Variants in ZNF208 observed in about 807,000 individuals in gnomAD.
ZNF208 encodes zinc finger protein 95.
In ZNF208, 10 loss-of-function variants were observed where a neutral mutation model predicts 12.1. The ratio of observed to expected loss-of-function variants is 0.83; its 90% CI spans 0.51 to 1.40. The LOEUF (loss-of-function observed/expected upper bound fraction) is 1.40. Among genes scored for constraint, ZNF208 ranks in the 40% most tolerant of loss-of-function variants. The pLI is 0.00. For missense variants in ZNF208, 1,652 were observed against 1,485.0 expected, an observed-to-expected ratio of 1.11 and a Z score of -1.85; for synonymous variants, 497 against 488.4, an observed-to-expected ratio of 1.02 and a Z score of -0.23.
chr19:21,994,212 T>G (rs993737168), intron 1 of ZNF208, among the ~76,000 whole-genome samples: 10 of 152,238 alleles, frequency 6.6e-5, no homozygotes, highest in African/African-American at 2.4e-4. Context: ...AATCAACTAC[T>G]AGATCTGGAG....
At chr19:21,975,152 GT>G (rs1224211355) in intron 3 of ZNF208, among the ~76,000 whole-genome samples, 1 of 152,028 alleles carries the variant, frequency 6.6e-6, no homozygotes, top group Non-Finnish European at 1.5e-5. Flanking sequence ...TTCTGTTTGT[GT>G]TTTTTTGTTT....
intron 2 of ZNF208, among the ~76,000 whole-genome samples, chr19:21,988,513 TAC>T (rs1395190369): frequency 6.6e-6 from 1 of 152,112 alleles, no homozygotes; most frequent in Non-Finnish European, 1.5e-5. Flanking sequence ...GTTGAAAGAA[TAC>T]AGTCATGCAG....
intron 1 of ZNF208, chr19:21,991,797 TGTGTATTATTCAGATGGAATA>T (rs944975001): frequency 1.3e-5 from 2 of 152,054 alleles, no homozygotes; most frequent in African/African-American, 4.8e-5. Context: ...GACATAGTTT[TGTGTATTATTCAGATGGAATA>T]GATGTGTTGA....
intron 3 of ZNF208, among the ~76,000 whole-genome samples, chr19:21,978,652 A>G (rs1970478039): frequency 6.6e-6 from 1 of 152,232 alleles, no homozygotes; most frequent in South Asian, 2.1e-4. Context: ...TCCAAAACCC[A>G]GAATGCCTGT....
chr19:21,954,755 T>C (rs1352360090), intron 4 of ZNF208, among the ~76,000 whole-genome samples: 1 of 152,224 alleles, frequency 6.6e-6, no homozygotes. Flanking sequence ...GTTTCCTGAA[T>C]ACAACACACT....
chr19:22,003,669 C>A (rs1009058052), intron 1 of ZNF208, among the ~76,000 whole-genome samples: 15 of 152,062 alleles, frequency 9.9e-5, no homozygotes, highest in African/African-American at 3.6e-4. Flanking sequence ...ATAATTCAAC[C>A]ATTGTGAAAA....
chr19:21,975,353 C>T (rs187818449), intron 3 of ZNF208, among the ~76,000 whole-genome samples: 3 of 152,120 alleles, frequency 2.0e-5, no homozygotes, highest in African/African-American at 7.2e-5. Context: ...TGCAGCAGAG[C>T]ACTGCAGTCC....
At chr19:21,978,117 C>A (rs200454496) in intron 3 of ZNF208, among the ~76,000 whole-genome samples, 1 of 152,176 alleles carries the variant, frequency 6.6e-6, no homozygotes, top group Non-Finnish European at 1.5e-5. Context: ...GGACAGAGCA[C>A]CTTGGGGAAG....
rs1443734067 is a variant in ZNF208 at position 21,970,884 on chromosome 19, TATG to T, written c.*304_*306del. ...GGGTTTCTCTCCAGTATGAATTTTC[TATG>T]ATAACTGAGGGTTGAGGACCACTTA... On this transcript the variant is annotated 3_prime_UTR_variant, in exon 4 of 4. Coordinates refer to ENST00000397126, the MANE Select transcript of ZNF208 (RefSeq NM_007153.3). 105 of 1,522,510 alleles carry T rather than the reference TATG, an allele frequency of 6.9e-5. No individual in the cohort carries two copies. Among genetic ancestry groups the T allele is most frequent in the Non-Finnish European group, 9.0e-5 (99 of 1,099,362 alleles). The allele number at this position is 1,522,510 out of a possible 1,614,324, so 94.3% of individuals were successfully genotyped here. A position where few individuals can be genotyped will look rare whatever the true frequency, so the allele number is the denominator to read the frequency against.
intron 4 of ZNF208, among the ~76,000 whole-genome samples, chr19:21,943,251 G>C (rs189715260): frequency 6.6e-5 from 10 of 152,246 alleles, no homozygotes; most frequent in African/African-American, 2.4e-4. Flanking sequence ...TAGTAAAATA[G>C]AGCTTTTGGT....
chr19:21,944,491 C>A (rs1324390566), intron 4 of ZNF208, among the ~76,000 whole-genome samples: 2 of 152,056 alleles, frequency 1.3e-5, no homozygotes, highest in Admixed American at 1.3e-4. Context: ...TACCCACTCA[C>A]TTATAATAAA....
chr19:21,985,469 T>G (rs1331341607), intron 3 of ZNF208, among the ~76,000 whole-genome samples: 3 of 152,210 alleles, frequency 2.0e-5, no homozygotes, highest in African/African-American at 7.2e-5. Flanking sequence ...GAAACTTTGC[T>G]AAAGCCCAAG....
At chr19:21,943,562 A>C (rs1969775814) in intron 4 of ZNF208, among the ~76,000 whole-genome samples, 2 of 152,184 alleles carry the variant, frequency 1.3e-5, no homozygotes, top group South Asian at 4.2e-4. Flanking sequence ...ACACAGGAGG[A>C]TCCTGATCCT....
At chr19:21,990,224 G>A (rs1169620326) in intron 1 of ZNF208, among the ~76,000 whole-genome samples, 7 of 151,960 alleles carry the variant, frequency 4.6e-5, no homozygotes, top group Admixed American at 6.6e-5. Flanking sequence ...TAGGTCTAAA[G>A]TTTAAGTCTT....
chr19:22,008,943 G>C (rs953285010), intron 1 of ZNF208, among the ~76,000 whole-genome samples: 1 of 152,076 alleles, frequency 6.6e-6, no homozygotes, highest in Non-Finnish European at 1.5e-5. Flanking sequence ...AGACGCTCTC[G>C]CAGACATAGC....
chr19:21,952,423 T>G (rs1969904123), intron 4 of ZNF208, among the ~76,000 whole-genome samples: 1 of 152,068 alleles, frequency 6.6e-6, no homozygotes, highest in East Asian at 1.9e-4. Context: ...CTCATATAGG[T>G]GGGTGCCCCT....
rs1238440971 is a variant in ZNF208, at chr19:21,973,077, T to C, written c.1957A>G (p.Thr653Ala). The change falls in exon 4 of 4, where the codon ACT becomes GCT. Residue 653 changes from threonine to alanine, a missense_variant. Transcript: ENST00000397126. ...GKTFIKVSTL[T>A]THKAIHAGEK... ...CCAGCATGAATTGCCTTATGTGTAG[T>C]AAGGGTTGAGACCTTAATAAAGGTT... 5 of 1,613,400 alleles carry C rather than the reference T, an allele frequency of 3.1e-6. No individual in the cohort carries two copies. Among genetic ancestry groups the C allele is most frequent in the Non-Finnish European group, 4.2e-6 (5 of 1,179,722 alleles).
chr19:21,962,453 T>C (rs1317536467), downstream of ZNF208, among the ~76,000 whole-genome samples: 1 of 152,138 alleles, frequency 6.6e-6, no homozygotes, highest in Non-Finnish European at 1.5e-5. Context: ...TTTTAAAAAA[T>C]TAAGTCTTTT....
At position 21,988,854 on chromosome 19, in the gene ZNF208, C is replaced by T. The variant is rs1332959499; in HGVS notation, c.59G>A (p.Cys20Tyr). The T allele has an allele frequency of 6.2e-7, 1 of 1,614,114 alleles. No individual in the cohort carries two copies. Among genetic ancestry groups the T allele is most frequent in the Non-Finnish European group, 8.5e-7 (1 of 1,179,984 alleles). ...AIEFSLEEWQCLDTAQQNLYR... is the reference protein window; with the variant it reads ...AIEFSLEEWQYLDTAQQNLYR... The stretch of plus-strand genomic sequence containing the variant: ...TAAATTCTGCTGTGCAGTGTCCAGG[C>T]ATTGCCACTCCTCCAGAGAGAATTC... Residue 20 changes from cysteine (C) to tyrosine (Y), a missense_variant, in exon 2 of 4, where the codon TGC becomes TAC. Cys to Tyr is a radical substitution (Grantham distance 194). Around this residue, in one of 3 missense-constraint regions of ZNF208, gnomAD observed 410 missense variants for 378.2 expected, o/e 1.08. Coordinates refer to ENST00000397126, the MANE Select transcript of ZNF208 (RefSeq NM_007153.3).
Sources: gnomAD v4.1 joint callset for allele counts (sites outside exome capture counted in the v4.1 genomes callset) on GRCh38, gnomAD v4.1.1 for gene constraint, gnomAD v4.1.1 regional missense constraint, MANE v1.5 for transcripts, NCBI Gene and HGNC (gene_info 2026-07-23, HGNC 2026-07-21) for gene names.